The following EYA4 variants were observed in gnomAD, a reference collection of about 807,000 sequenced individuals.
EYA4 encodes protein phosphatase EYA4.
Under a neutral mutation model 87.9 loss-of-function variants are expected in EYA4, and 31 were observed. The observed-to-expected ratio is 0.35, with a 90% CI of 0.27 to 0.48. EYA4 has a LOEUF of 0.48. EYA4 is among the 20% of genes least tolerant of loss of function. EYA4 has a pLI of 0.99. For missense variants in EYA4, 678 were observed against 761.4 expected (o/e 0.89, Z 1.29); for synonymous variants, 263 against 270.6 (o/e 0.97, Z 0.28).
At chr6:133,493,844 A>G (rs1159111308) in intron 13 of EYA4, among the ~76,000 whole-genome samples, 1 of 152,238 alleles carries the variant, frequency 6.6e-6, no homozygotes, top group Non-Finnish European at 1.5e-5. Context: ...AGGTGTTCCC[A>G]TCATTGATCA....
At chr6:133,461,776 T>C (rs1468119735) in intron 7 of EYA4, among the ~76,000 whole-genome samples, 8 of 151,618 alleles carry the variant, frequency 5.3e-5, no homozygotes, top group Non-Finnish European at 1.0e-4. Context: ...GGGAACATGA[T>C]GTAAAATGTG....
chr6:133,252,596 A>G (rs1192457309), intron 1 of EYA4, among the ~76,000 whole-genome samples: 1 of 152,238 alleles, frequency 6.6e-6, no homozygotes, highest in African/African-American at 2.4e-5. Context: ...ACACATTTCA[A>G]AAATCACTTG....
At chr6:133,467,768 T>C (rs1378209619) in intron 10 of EYA4, among the ~76,000 whole-genome samples, 1 of 151,956 alleles carries the variant, frequency 6.6e-6, no homozygotes, top group Non-Finnish European at 1.5e-5. Flanking sequence ...ACTGATAACA[T>C]TTTGGGCTGA....
intron 1 of EYA4, among the ~76,000 whole-genome samples, chr6:133,244,759 G>T (rs1002314295): frequency 1.3e-5 from 2 of 151,990 alleles, no homozygotes; most frequent in African/African-American, 2.4e-5. Flanking sequence ...TTCAGTCTCT[G>T]TTGCAAGCTC....
At chr6:133,370,530 C>A (rs999380343) in intron 2 of EYA4, among the ~76,000 whole-genome samples, 1 of 152,118 alleles carries the variant, frequency 6.6e-6, no homozygotes, top group Admixed American at 6.5e-5. Flanking sequence ...AAACACACTT[C>A]GTCTTTGTTT....
intron 2 of EYA4, among the ~76,000 whole-genome samples, chr6:133,370,352 T>C (rs1287152533): frequency 6.6e-6 from 1 of 152,214 alleles, no homozygotes; most frequent in Non-Finnish European, 1.5e-5. Context: ...GTCACACATT[T>C]AAGTGTAGGC....
At chr6:133,251,843 C>A (rs1774929779) in intron 1 of EYA4, among the ~76,000 whole-genome samples, 1 of 152,164 alleles carries the variant, frequency 6.6e-6, no homozygotes, top group South Asian at 2.1e-4. Context: ...ACTCCCAGGG[C>A]TCTGCATAAG....
At chr6:133,249,114 G>A (rs997425752) in intron 1 of EYA4, among the ~76,000 whole-genome samples, 2 of 152,118 alleles carry the variant, frequency 1.3e-5, no homozygotes, top group African/African-American at 4.8e-5. Flanking sequence ...ATTAGAGTGG[G>A]ATGGATAGAT....
At chr6:133,522,161 G>A (rs1200382299) in intron 17 of EYA4, among the ~76,000 whole-genome samples, 2 of 141,308 alleles carry the variant, frequency 1.4e-5, no homozygotes, top group Admixed American at 7.1e-5. Context: ...CATCTACATG[G>A]TAGAGTAGTT....
chr6:133,372,574 AT>A lies in EYA4; in HGVS notation c.34-9809del, dbSNP rs145004786. ...ATTCAATCCAGCATGCTATAAATAC[AT>A]TTTTTTTTATTGTATAAAGCTTAAT... On this transcript the variant is annotated intron_variant, in intron 2 of 19. Coordinates refer to ENST00000355286, the MANE Select transcript of EYA4 (RefSeq NM_004100.5). 4.8e-3 allele frequency among the ~76,000 whole-genome samples: 727 copies of A among 150,272 alleles called. 7 individuals carry two copies. Among genetic ancestry groups the A allele is most frequent in the African/African-American group, 0.015 (598 of 40,932 alleles).
At chr6:133,495,056 G>T (rs1009262465) in intron 13 of EYA4, among the ~76,000 whole-genome samples, 2 of 152,046 alleles carry the variant, frequency 1.3e-5, no homozygotes, top group African/African-American at 2.4e-5. Context: ...ATCATCTGAG[G>T]TCAGGAGTTC....
In EYA4 at chr6:133,462,649, G is replaced by A. The variant is rs1794500966; in HGVS notation, c.609G>A (p.Lys203=). The A allele has an allele frequency of 6.2e-7, 1 of 1,614,024 alleles. No individual in the cohort carries two copies. The highest frequency in any genetic ancestry group is 8.5e-7 in the Non-Finnish European group (1 of 1,179,952). ...YDLGVMLPAI[K]TESGLSQTQS... ...TGGGTGTGATGTTGCCAGCCATCAA[G>A]ACAGAGAGTGGACTTTCCCAAACTC... The change falls in exon 9 of 20, where the codon AAG becomes AAA. Residue 203 remains lysine, a synonymous_variant. Transcript: ENST00000355286.
chr6:133,460,739 A>G (rs2128654157), intron 6 of EYA4, among the ~76,000 whole-genome samples: 1 of 152,242 alleles, frequency 6.6e-6, no homozygotes, highest in African/African-American at 2.4e-5. Flanking sequence ...ATATATTGCC[A>G]TCATATTTGG....
intron 2 of EYA4, among the ~76,000 whole-genome samples, chr6:133,351,672 C>T (rs1783651416): frequency 6.6e-6 from 1 of 152,180 alleles, no homozygotes; most frequent in Non-Finnish European, 1.5e-5. Flanking sequence ...TAAAATCAAC[C>T]ATTTCACTTA....
chr6:133,447,303 T>C (rs571754278), intron 4 of EYA4, among the ~76,000 whole-genome samples: 4 of 152,300 alleles, frequency 2.6e-5, no homozygotes, highest in South Asian at 4.1e-4. Context: ...AGATAATTTC[T>C]CATTCTATTA....
intron 2 of EYA4, among the ~76,000 whole-genome samples, chr6:133,375,068 A>G (rs1785569825): frequency 6.6e-6 from 1 of 152,012 alleles, no homozygotes; most frequent in African/African-American, 2.4e-5. Context: ...CGAGTTTTTA[A>G]AAGTTAAGAA....
intron 2 of EYA4, among the ~76,000 whole-genome samples, chr6:133,310,958 A>G (rs1780167148): frequency 6.6e-6 from 1 of 152,160 alleles, no homozygotes; most frequent in South Asian, 2.1e-4. Flanking sequence ...GTTTCTTTTG[A>G]TGATCCTGTA....
At chr6:133,448,449 T>G (rs1793079567) in intron 5 of EYA4, among the ~76,000 whole-genome samples, 1 of 152,236 alleles carries the variant, frequency 6.6e-6, no homozygotes, top group African/African-American at 2.4e-5. Flanking sequence ...ATTGGTTTTC[T>G]AACTATTTAT....
intron 1 of EYA4, chr6:133,245,259 A>G (rs891170870): frequency 2.0e-5 from 3 of 152,232 alleles, no homozygotes; most frequent in African/African-American, 7.2e-5. Context: ...ATTTCAGATC[A>G]CTTATTTAAG....
Sources: allele counts gnomAD v4.1 joint callset (sites outside exome capture counted in the v4.1 genomes callset), GRCh38; gene constraint gnomAD v4.1.1; transcripts MANE v1.5; gene names NCBI Gene and HGNC (gene_info 2026-07-23, HGNC 2026-07-21).